TBCD: variants seen among roughly 807,000 people sequenced by gnomAD.
TBCD encodes tubulin folding cofactor D.
TBCD carries 105 observed loss-of-function variants against 169.3 expected under a neutral mutation model. That is an observed-to-expected ratio of 0.62 (90% confidence interval 0.53 to 0.73). TBCD has a LOEUF of 0.73. Ranked by LOEUF, TBCD falls within the 30% of genes least tolerant of loss-of-function variation. The pLI is 0.00. For missense variants in TBCD, 1,444 were observed against 1,600.1 expected, an observed-to-expected ratio of 0.90 and a Z score of 1.66; for synonymous variants, 700 against 643.9, an observed-to-expected ratio of 1.09 and a Z score of -1.32.
intron 7 of TBCD, among the ~76,000 whole-genome samples, chr17:82,787,278 T>C (rs536612579): frequency 1.3e-5 from 2 of 151,954 alleles, no homozygotes; most frequent in African/African-American, 4.8e-5. Context: ...TCAGCAAGAG[T>C]GAGCAATTGT....
At chr17:82,847,487 C>T (rs2055248168) in intron 13 of TBCD, among the ~76,000 whole-genome samples, 1 of 151,966 alleles carries the variant, frequency 6.6e-6, no homozygotes, top group African/African-American at 2.4e-5. Context: ...GAGATACAGC[C>T]AAGGTGTATG....
rs761985045 is a variant in TBCD at position 82,831,288 on chromosome 17, C to T, written c.1318+16354C>T. 5.6e-6 allele frequency: 9 copies of T among 1,613,928 alleles called. No homozygotes were observed. The East Asian group carries it at 2.0e-4, about 36-fold the overall frequency. On this transcript the variant is annotated intron_variant, in intron 13 of 38. Transcript: ENST00000355528. The surrounding 1 kb of genome is among the most constrained non-coding windows in gnomAD (Gnocchi z 4.6). Reference sequence around the variant, plus strand: ...ACCCTTCCGTGTCTCTCTGCCCAGCCTTGGAGGAGTCTTTAGCCTCAGGAA... The same window carrying T: ...ACCCTTCCGTGTCTCTCTGCCCAGCTTTGGAGGAGTCTTTAGCCTCAGGAA...
rs762919740 is a variant in TBCD at position 82,766,314 on chromosome 17, C to T, written c.381C>T (p.Ala127=). The change falls in exon 4 of 39, where the codon GCC becomes GCT. Residue 127 remains alanine (A), a synonymous_variant. Transcript: ENST00000355528. The part of the protein sequence containing the change: ...TFLRLFPHEV[A]DVEPVLDLVT... ...TTCGTTTATTTCCTCATGAAGTTGC[C>T]GATGTAGAGCCTGTTTTAGATTTGG... 9.9e-6 allele frequency: 16 copies of T among 1,613,138 alleles called. No individual in the cohort carries two copies. The highest frequency in any genetic ancestry group is 3.3e-5 in the Admixed American group (2 of 59,906).
intron 12 of TBCD, 128 bp from the exon 13 acceptor site, chr17:82,814,712 A>AGTGAGCCTTAC (rs1384088219): frequency 3.3e-5 from 28 of 847,988 alleles, no homozygotes; most frequent in Non-Finnish European, 2.8e-5. Flanking sequence ...AATGGGTTTT[A>AGTGAGCCTTAC]GTGAGCCTTA....
At chr17:82,911,132 C>A (rs2060610401) in intron 22 of TBCD, among the ~76,000 whole-genome samples, 1 of 152,216 alleles carries the variant, frequency 6.6e-6, no homozygotes, top group African/African-American at 2.4e-5. Flanking sequence ...GGGCCTCAGT[C>A]CTGTACTCTT....
chr17:82,884,317 G>C lies in TBCD; in HGVS notation c.1533+115G>C, dbSNP rs1013435943. The C allele has an allele frequency of 6.2e-6, 6 of 975,434 alleles. No individual in the cohort carries two copies. The highest frequency in any genetic ancestry group is 9.5e-6 in the Non-Finnish European group (6 of 633,548). The allele number at this position is 975,434 out of a possible 1,614,324, so 60.4% of individuals were successfully genotyped here. On this transcript the variant is annotated intron_variant, in intron 15 of 38. Coordinates refer to ENST00000355528, the MANE Select transcript of TBCD (RefSeq NM_005993.5). The surrounding 1 kb of genome is among the most constrained non-coding windows in gnomAD (Gnocchi z 4.2). ...AGCTCACCCATCCACAGCAGGAGCC[G>C]CGAGGGAGCTGCTGAGAGTGCCAGC...
At chr17:82,773,597 C>T (rs1197028929) in intron 6 of TBCD, among the ~76,000 whole-genome samples, 3 of 152,192 alleles carry the variant, frequency 2.0e-5, no homozygotes, top group Non-Finnish European at 4.4e-5. Context: ...CGCGGGGCGG[C>T]ACCAACTCTG....
chr17:82,782,661 C>T lies in TBCD; in HGVS notation c.771+940C>T, dbSNP rs558799465. Among the ~76,000 whole-genome samples, 6 of 152,188 alleles carry T rather than the reference C, an allele frequency of 3.9e-5. No homozygotes were observed. Among genetic ancestry groups the T allele is most frequent in the Non-Finnish European group, 7.3e-5 (5 of 68,042 alleles). On this transcript the variant is annotated intron_variant, in intron 7 of 38. Transcript: ENST00000355528. This position sits in a 1 kb window ranked among gnomAD's most constrained non-coding sequence, Gnocchi z 5.1. ...GCGCCTGGAAGGACACTTTGGAGCG[C>T]GTTTTAGGGGAGATGATGAGTGCCA...
In TBCD at chr17:82,768,561, G is replaced by A. The variant is rs941441669; in HGVS notation, c.577G>A (p.Ala193Thr). 8 of 1,613,920 alleles carry A rather than the reference G, an allele frequency of 5.0e-6. No individual in the cohort carries two copies. The highest frequency in any genetic ancestry group is 6.8e-6 in the Non-Finnish European group (8 of 1,179,856). The change falls in exon 5 of 39, where the codon GCA (alanine) becomes ACA (threonine). Residue 193 changes from alanine (A) to threonine (T), a missense_variant. Coordinates refer to ENST00000355528, the MANE Select transcript of TBCD (RefSeq NM_005993.5). ...MSIMDRILQIAESYLIVSDKA... is the reference protein window; with the variant it reads ...MSIMDRILQITESYLIVSDKA... The stretch of plus-strand genomic sequence containing the variant: ...CATAATGGACCGTATTCTCCAAATA[G>A]CAGAGGTAAATATCATGCAGATAAT...
At chr17:82,810,553 G>A (rs2051357362) in intron 12 of TBCD, among the ~76,000 whole-genome samples, 1 of 152,228 alleles carries the variant, frequency 6.6e-6, no homozygotes, top group Non-Finnish European at 1.5e-5. Context: ...TAAGTTGTGG[G>A]CTGGGATGTG....
At chr17:82,768,734 T>C (rs2048151488) in intron 5 of TBCD, among the ~76,000 whole-genome samples, 168 bp downstream of exon 5, 1 of 152,204 alleles carries the variant, frequency 6.6e-6, no homozygotes. Context: ...TGATAATTCA[T>C]GTAGGGGTCA....
Position 82,806,858 on chromosome 17 carries a change from G to A in TBCD, c.1088-750G>A, listed in dbSNP as rs2051003430. Among the ~76,000 whole-genome samples, 1 of 152,166 alleles carries A rather than the reference G, an allele frequency of 6.6e-6. No individual in the cohort carries two copies. The highest frequency in any genetic ancestry group is 2.4e-5 in the African/African-American group (1 of 41,432). ...TCTCAGAGCCCTCCCTGGTTGCGTG[G>A]TAGGCGCCCGCATCTGTGCTGGGCG... On this transcript the variant is annotated intron_variant, in intron 10 of 38. Coordinates refer to ENST00000355528, the MANE Select transcript of TBCD (RefSeq NM_005993.5). The surrounding 1 kb of genome is among the most constrained non-coding windows in gnomAD (Gnocchi z 5.1).
rs1006146579 is a variant in TBCD at position 82,901,787 on chromosome 17, G to A, written c.1730+1056G>A. ...CCGGGGGAAGACCCTCCCTTCATTC[G>A]CTTACAGAGAGGGGTGTGAATTCCT... On this transcript the variant is annotated intron_variant, in intron 18 of 38. Transcript: ENST00000355528. Among the ~76,000 whole-genome samples, 4 of 152,310 alleles carry A rather than the reference G, an allele frequency of 2.6e-5. No individual in the cohort carries two copies. The East Asian group carries it at 7.7e-4, about 29-fold the overall frequency.
At position 82,941,482 on chromosome 17, in the gene TBCD, A is replaced by G; in HGVS notation, c.3563A>G (p.Gln1188Arg). ...GTACCCAGGCCCCAGCTGGTGCCCC[A>G]GGTAACCCTGTCACCTTCACAGCAT... Reference protein sequence around the residue: ...LGVPRPQLVPQPGAC With the variant: ...LGVPRPQLVPRPGAC Residue 1188 changes from glutamine to arginine, a missense_variant and splice_region_variant, in exon 38 of 39, where the codon CAG becomes CGG. By Grantham distance (43) the Gln-to-Arg change is conservative. Coordinates refer to ENST00000355528, the MANE Select transcript of TBCD (RefSeq NM_005993.5). 6.3e-7 allele frequency: 1 copy of G among 1,591,382 alleles called. No individual in the cohort carries two copies. Among genetic ancestry groups the G allele is most frequent in the Non-Finnish European group, 8.5e-7 (1 of 1,169,998 alleles).
rs193159546 is a variant in TBCD, at chr17:82,923,707, C to G, written c.2234C>G (p.Pro745Arg). ...ALCSEYYMKEPGEADPAIQEE... is the reference protein window; with the variant it reads ...ALCSEYYMKERGEADPAIQEE... ...TGCAGTGAATATTACATGAAGGAGCCGGGGGAGGCAGATCCCGCAATTCAG... is the reference window on the plus strand; with the variant it reads ...TGCAGTGAATATTACATGAAGGAGCGGGGGGAGGCAGATCCCGCAATTCAG... The change falls in exon 26 of 39, where the codon CCG becomes CGG. Residue 745 changes from proline (P) to arginine (R), a missense_variant. Pro to Arg is a moderately radical substitution (Grantham distance 103). Transcript: ENST00000355528. This position sits in a 1 kb window ranked among gnomAD's most constrained non-coding sequence, Gnocchi z 4.6. 2 of 1,599,318 alleles carry G rather than the reference C, an allele frequency of 1.3e-6. No homozygotes were observed. The highest frequency in any genetic ancestry group is 2.2e-5 in the East Asian group (1 of 44,478).
intron 2 of TBCD, among the ~76,000 whole-genome samples, chr17:82,762,005 C>T (rs1206525824): frequency 6.7e-6 from 1 of 148,902 alleles, no homozygotes; most frequent in Non-Finnish European, 1.5e-5. Context: ...GGGGTTGTTT[C>T]TTCTTTTATC....
At chr17:82,764,740 C>T (rs2047939489) in intron 3 of TBCD, among the ~76,000 whole-genome samples, 1 of 152,136 alleles carries the variant, frequency 6.6e-6, no homozygotes, top group Non-Finnish European at 1.5e-5. Flanking sequence ...GCGGGGGTCT[C>T]ATAGTCTGCT....
intron 7 of TBCD, among the ~76,000 whole-genome samples, chr17:82,792,425 A>C (rs903261435): frequency 6.6e-6 from 1 of 152,228 alleles, no homozygotes; most frequent in Non-Finnish European, 1.5e-5. Flanking sequence ...CTCACTATCA[A>C]TATGTGGTTC....
At chr17:82,918,431 G>A (rs1054760645) in intron 23 of TBCD, 1 of 152,200 alleles carries the variant, frequency 6.6e-6, no homozygotes, top group Non-Finnish European at 1.5e-5. Flanking sequence ...GGCATTTTCT[G>A]TGAGCGTGGT....
Sources: gnomAD v4.1 joint callset for allele counts (sites outside exome capture counted in the v4.1 genomes callset) on GRCh38, gnomAD v4.1.1 for gene constraint, Gnocchi (gnomAD v3.1) non-coding constraint, MANE v1.5 for transcripts, NCBI Gene and HGNC (gene_info 2026-07-23, HGNC 2026-07-21) for gene names.